CFDP1: variants seen among roughly 807,000 people sequenced by gnomAD.
CFDP1 encodes heterochromatin-stabilizing protein CFDP1.
A neutral mutation model predicts 40.1 loss-of-function variants in CFDP1; 31 were observed. The observed-to-expected ratio is 0.77, with a 90% CI of 0.58 to 1.04. The LOEUF (loss-of-function observed/expected upper bound fraction) is 1.04, where lower values mean the gene tolerates loss of function less well. CFDP1 is among the 50% of genes least tolerant of loss of function. The pLI is 0.00. For synonymous variants in CFDP1, 167 were observed against 120.0 expected (o/e 1.39, Z -2.56); for missense variants, 423 against 343.4 (o/e 1.23, Z -1.83).
chr16:75,425,715 AAAT>A (rs2079333178), intron 1 of CFDP1, among the ~76,000 whole-genome samples: 1 of 151,846 alleles, frequency 6.6e-6, no homozygotes, highest in African/African-American at 2.4e-5. Flanking sequence ...AACTGAAAAT[AAAT>A]AATGATAACT....
chr16:75,431,882 A>G lies in CFDP1; in HGVS notation c.64+1407T>C, dbSNP rs562672010. Among the ~76,000 whole-genome samples the G allele has an allele frequency of 3.8e-4, 40 of 106,382 alleles. 1 individual carries two copies. The highest frequency in any genetic ancestry group is 5.3e-3 in the Middle Eastern group (1 of 190). The allele number at this position is 106,382 out of a possible 152,430, so 69.8% of individuals were successfully genotyped here. The stretch of plus-strand genomic sequence containing the variant: ...TTTCTCCTGAGGAATATTAAATAAA[A>G]TAGGGATGAGGGTGATGGGACTGGC... On this transcript the variant is annotated intron_variant, in intron 1 of 6. Coordinates refer to ENST00000283882, the MANE Select transcript of CFDP1 (RefSeq NM_006324.3).
chr16:75,315,519 G>C (rs1203558873), intron 5 of CFDP1, among the ~76,000 whole-genome samples: 1 of 151,958 alleles, frequency 6.6e-6, no homozygotes, highest in African/African-American at 2.4e-5. Context: ...AAGAATTCCA[G>C]TATGGTCTGG....
At chr16:75,316,443 G>A (rs1204506701) in intron 5 of CFDP1, among the ~76,000 whole-genome samples, 3 of 151,970 alleles carry the variant, frequency 2.0e-5, no homozygotes, top group Non-Finnish European at 2.9e-5. Context: ...GCTGGCTCAC[G>A]CCTATAATTC....
intron 5 of CFDP1, among the ~76,000 whole-genome samples, chr16:75,385,257 T>A (rs2151553377): frequency 6.6e-6 from 1 of 152,110 alleles, no homozygotes; most frequent in African/African-American, 2.4e-5. Flanking sequence ...TATATATGAA[T>A]ACAATATATT....
intron 5 of CFDP1, among the ~76,000 whole-genome samples, chr16:75,352,460 T>C (rs1195394384): frequency 6.6e-6 from 1 of 152,204 alleles, no homozygotes; most frequent in Non-Finnish European, 1.5e-5. Flanking sequence ...ACTTATTATC[T>C]TTAGAAGCAT....
chr16:75,380,395 G>T (rs898536413), intron 5 of CFDP1, among the ~76,000 whole-genome samples: 1 of 152,118 alleles, frequency 6.6e-6, no homozygotes, highest in African/African-American at 2.4e-5. Flanking sequence ...AGTGGTTACA[G>T]CCGGCAGGGT....
At chr16:75,397,125 A>C (rs1276270377) in intron 4 of CFDP1, among the ~76,000 whole-genome samples, 1 of 151,678 alleles carries the variant, frequency 6.6e-6, no homozygotes, top group Non-Finnish European at 1.5e-5. Context: ...CGTGTTAGCC[A>C]GGATGGTCTT....
chr16:75,327,245 C>T (rs1567646570), intron 5 of CFDP1, among the ~76,000 whole-genome samples: 1 of 152,132 alleles, frequency 6.6e-6, no homozygotes, highest in African/African-American at 2.4e-5. Context: ...CCAGCCTGGA[C>T]GACAGTGCAA....
intron 6 of CFDP1, 21 bp from the exon 7 acceptor site, chr16:75,294,063 T>G: frequency 6.3e-7 from 1 of 1,588,260 alleles, no homozygotes; most frequent in Non-Finnish European, 8.6e-7. Context: ...AAAACAGTGT[T>G]TGTCAGTAGA....
chr16:75,345,264 C>T (rs150856368), intron 5 of CFDP1, among the ~76,000 whole-genome samples: 3,353 of 152,108 alleles, frequency 0.022, 71 homozygotes, highest in African/African-American at 0.054. Flanking sequence ...TGAGACCAGC[C>T]TGGCCACCAT....
intron 5 of CFDP1, among the ~76,000 whole-genome samples, chr16:75,376,753 G>A (rs901556453): frequency 6.6e-6 from 1 of 152,210 alleles, no homozygotes; most frequent in African/African-American, 2.4e-5. Flanking sequence ...GTATGGGGCA[G>A]AAGCGGCTTT....
intron 4 of CFDP1, among the ~76,000 whole-genome samples, chr16:75,410,852 T>C (rs1187124936): frequency 7.2e-6 from 1 of 139,066 alleles, no homozygotes; most frequent in East Asian, 2.1e-4. Context: ...GAGCTTGCAG[T>C]GAGCCGAGAC....
At chr16:75,345,282 C>T (rs1317531311) in intron 5 of CFDP1, among the ~76,000 whole-genome samples, 1 of 152,034 alleles carries the variant, frequency 6.6e-6, no homozygotes, top group East Asian at 1.9e-4. Context: ...CATAGCAAAA[C>T]CCTGTCTCTA....
chr16:75,333,329 T>A (rs1026339764), intron 5 of CFDP1, among the ~76,000 whole-genome samples: 28 of 151,302 alleles, frequency 1.9e-4, no homozygotes, highest in Non-Finnish European at 7.4e-5. Context: ...TTCACCGTGT[T>A]AGCCAGGATG....
intron 5 of CFDP1, 116 bp downstream of exon 5, chr16:75,394,973 CA>C (rs2078983898): frequency 8.0e-7 from 1 of 1,250,706 alleles, no homozygotes; most frequent in African/African-American, 1.5e-5. Flanking sequence ...AAAGGCAAAG[CA>C]GCATCATAAT....
intron 5 of CFDP1, among the ~76,000 whole-genome samples, chr16:75,353,733 A>G (rs1017338113): frequency 2.1e-5 from 3 of 143,888 alleles, no homozygotes; most frequent in Non-Finnish European, 4.5e-5. Context: ...TGGGCGACAC[A>G]GCAAAAGTCC....
chr16:75,339,122 T>C (rs1035356607), intron 5 of CFDP1, among the ~76,000 whole-genome samples: 3 of 152,134 alleles, frequency 2.0e-5, no homozygotes, highest in Admixed American at 1.3e-4. Flanking sequence ...CTAGAACTCC[T>C]ACTAGATGAA....
chr16:75,332,302 T>G, intron 5 of CFDP1, among the ~76,000 whole-genome samples: 1 of 151,846 alleles, frequency 6.6e-6, no homozygotes, highest in African/African-American at 2.4e-5. Flanking sequence ...CCATCTCTAC[T>G]AAAAATACAA....
intron 5 of CFDP1, among the ~76,000 whole-genome samples, chr16:75,333,751 T>A (rs866368097): frequency 7.2e-4 from 109 of 152,268 alleles, no homozygotes; most frequent in African/African-American, 2.5e-3. Flanking sequence ...TGCCACAGAC[T>A]GTCATCAAAC....
Sources: gnomAD v4.1 joint callset for allele counts (sites outside exome capture counted in the v4.1 genomes callset) on GRCh38, gnomAD v4.1.1 for gene constraint, MANE v1.5 for transcripts, NCBI Gene and HGNC (gene_info 2026-07-23, HGNC 2026-07-21) for gene names.